TAFA1: variants seen among roughly 807,000 people sequenced by gnomAD.
TAFA1 encodes chemokine-like protein TAFA-1.
Under a neutral mutation model 18.5 loss-of-function variants are expected in TAFA1, and 4 were observed. The ratio of observed to expected loss-of-function variants is 0.22; its 90% CI spans 0.11 to 0.49. The LOEUF is 0.49. Ranked by LOEUF, TAFA1 falls within the 20% of genes least tolerant of loss-of-function variation. The probability of loss-of-function intolerance (pLI) is 0.98; values close to 1 mark genes in which losing one functional copy is unlikely to be tolerated. For missense variants in TAFA1, 147 were observed against 169.0 expected (o/e 0.87, Z 0.72); for synonymous variants, 56 against 55.2 (o/e 1.01, Z -0.06).
chr3:68,180,158 A>G (rs114378914), intron 2 of TAFA1, among the ~76,000 whole-genome samples: 7,113 of 150,758 alleles, frequency 0.047, 524 homozygotes, highest in African/African-American at 0.16. Flanking sequence ...CTCCCATGTA[A>G]TGTAGCTGGG....
intron 2 of TAFA1, among the ~76,000 whole-genome samples, chr3:68,128,071 G>A (rs1467842280): frequency 6.6e-6 from 1 of 151,778 alleles, no homozygotes; most frequent in African/African-American, 2.4e-5. Flanking sequence ...AGTCACTGAT[G>A]TAGGGTAGGT....
intron 2 of TAFA1, among the ~76,000 whole-genome samples, chr3:68,378,998 A>G (rs961685743): frequency 2.6e-5 from 4 of 152,092 alleles, no homozygotes; most frequent in Non-Finnish European, 1.5e-5. Flanking sequence ...ATTTCTTTAT[A>G]GTCGTGTGAA....
chr3:68,082,323 A>G (rs1221702478), intron 2 of TAFA1, among the ~76,000 whole-genome samples: 1 of 152,198 alleles, frequency 6.6e-6, no homozygotes, highest in Non-Finnish European at 1.5e-5. Context: ...CTATTCGGCC[A>G]TCTTGGCTCC....
At chr3:68,328,889 G>C (rs1446220669) in intron 2 of TAFA1, among the ~76,000 whole-genome samples, 1 of 152,066 alleles carries the variant, frequency 6.6e-6, no homozygotes, top group East Asian at 1.9e-4. Context: ...GGTAAACCAA[G>C]AGGAGTGATT....
intron 2 of TAFA1, among the ~76,000 whole-genome samples, chr3:68,344,313 A>C (rs542075098): frequency 6.6e-6 from 1 of 152,324 alleles, no homozygotes; most frequent in African/African-American, 2.4e-5. Context: ...CCTACTGTAC[A>C]CAGTGAAAAA....
rs555804826 is a variant in TAFA1 at position 68,082,068 on chromosome 3, C to T, written c.118+75324C>T. On this transcript the variant is annotated intron_variant, in intron 2 of 4. Transcript: ENST00000478136. ...AGCGCAGTACTCGGGTGGGAGTGAC[C>T]CAATTTTCCAGTTGCCGTCCGTCAC... Among the ~76,000 whole-genome samples, 5 of 152,284 alleles carry T rather than the reference C, an allele frequency of 3.3e-5. No individual in the cohort carries two copies. The East Asian group carries it at 5.8e-4, about 18-fold the overall frequency.
At chr3:68,530,926 G>A (rs557877617) in intron 3 of TAFA1, among the ~76,000 whole-genome samples, 2 of 152,034 alleles carry the variant, frequency 1.3e-5, no homozygotes, top group East Asian at 3.9e-4. Flanking sequence ...TGGACTCATG[G>A]ACTCAAAAGC....
intron 2 of TAFA1, among the ~76,000 whole-genome samples, chr3:68,156,945 C>T (rs956656605): frequency 6.6e-6 from 1 of 152,088 alleles, no homozygotes; most frequent in Non-Finnish European, 1.5e-5. Context: ...CTAATTCTGT[C>T]GCCAATAACC....
intron 3 of TAFA1, among the ~76,000 whole-genome samples, chr3:68,496,041 C>T (rs1177944576): frequency 7.1e-6 from 1 of 141,402 alleles, no homozygotes; most frequent in Non-Finnish European, 1.5e-5. Context: ...AAACAACAGA[C>T]CTTCTCAAAT....
chr3:68,059,452 G>C (rs1212074088), intron 2 of TAFA1, among the ~76,000 whole-genome samples: 2 of 152,186 alleles, frequency 1.3e-5, no homozygotes, highest in Non-Finnish European at 2.9e-5. Flanking sequence ...AGCTCAGGGA[G>C]CCAGGCTGCA....
chr3:68,093,048 G>T (rs1241790982), intron 2 of TAFA1, among the ~76,000 whole-genome samples: 1 of 152,094 alleles, frequency 6.6e-6, no homozygotes, highest in Non-Finnish European at 1.5e-5. Flanking sequence ...CTTTATGTAT[G>T]TTTATTTCCT....
chr3:68,083,074 C>T (rs1300909929), intron 2 of TAFA1, among the ~76,000 whole-genome samples: 2 of 152,174 alleles, frequency 1.3e-5, no homozygotes, highest in African/African-American at 4.8e-5. Context: ...CCATTTCACT[C>T]CTTTCTTTGT....
intron 2 of TAFA1, among the ~76,000 whole-genome samples, chr3:68,239,006 G>C (rs1204067385): frequency 6.6e-6 from 1 of 152,070 alleles, no homozygotes; most frequent in Non-Finnish European, 1.5e-5. Context: ...TTCTAAACAG[G>C]CATTCCCAGA....
intron 3 of TAFA1, among the ~76,000 whole-genome samples, chr3:68,473,799 C>G (rs774870043): frequency 6.6e-6 from 1 of 152,154 alleles, no homozygotes; most frequent in Non-Finnish European, 1.5e-5. Context: ...TTTAAGGTAG[C>G]ATGCTCACTC....
chr3:67,993,414 C>T, the TAFA1 span, among the ~76,000 whole-genome samples: 1 of 152,138 alleles, frequency 6.6e-6, no homozygotes, highest in South Asian at 2.1e-4. Context: ...TGGATACTCC[C>T]CAGTTGGCTT....
intron 2 of TAFA1, among the ~76,000 whole-genome samples, chr3:68,380,431 T>A (rs2069920246): frequency 6.6e-6 from 1 of 152,170 alleles, no homozygotes; most frequent in African/African-American, 2.4e-5. Flanking sequence ...CAGCACCTGT[T>A]GTTTCCTGAC....
intron 2 of TAFA1, among the ~76,000 whole-genome samples, chr3:68,332,147 G>A (rs2068887827): frequency 6.6e-6 from 1 of 151,782 alleles, no homozygotes; most frequent in Non-Finnish European, 1.5e-5. Flanking sequence ...ACAGGTGTGA[G>A]CCACCGCGCC....
intron 2 of TAFA1, among the ~76,000 whole-genome samples, chr3:68,383,759 G>A (rs573418438): frequency 1.3e-5 from 2 of 152,210 alleles, no homozygotes; most frequent in East Asian, 1.9e-4. Context: ...AATGGTATCA[G>A]CTCTTCTTTT....
chr3:68,437,277 A>G (rs1461610961), intron 3 of TAFA1, among the ~76,000 whole-genome samples: 2 of 134,024 alleles, frequency 1.5e-5, no homozygotes, highest in Non-Finnish European at 3.0e-5. Context: ...ACATTGTGCT[A>G]TTCTTGGCAC....
Sources: allele counts gnomAD v4.1 joint callset (sites outside exome capture counted in the v4.1 genomes callset), GRCh38; gene constraint gnomAD v4.1.1; transcripts MANE v1.5; gene names NCBI Gene and HGNC (gene_info 2026-07-23, HGNC 2026-07-21).